The following NDE1 variants were observed in gnomAD, a reference collection of about 807,000 sequenced individuals.
The protein encoded by NDE1 is nuclear distribution protein nudE homolog 1.
In NDE1, 28 loss-of-function variants were observed where a neutral mutation model predicts 43.4. That is an observed-to-expected ratio of 0.65 (90% CI 0.48 to 0.89). The LOEUF (loss-of-function observed/expected upper bound fraction) is 0.89. Among genes scored for constraint, NDE1 ranks in the 40% least tolerant of loss-of-function variants. The probability of loss-of-function intolerance (pLI) is 0.00; values close to 1 mark genes in which losing one functional copy is unlikely to be tolerated. For missense variants in NDE1, 441 were observed against 434.1 expected (o/e 1.02, Z -0.14); for synonymous variants, 184 against 172.0 (o/e 1.07, Z -0.55).
At chr16:15,705,806 C>T (rs1266030534) in intron 8 of NDE1, among the ~76,000 whole-genome samples, 2 of 151,642 alleles carry the variant, frequency 1.3e-5, no homozygotes, top group Admixed American at 1.3e-4. Context: ...ATGGTGAAAC[C>T]GTGTCTCTAC....
In NDE1 at chr16:15,724,667, T is replaced by A. The variant is rs147127121; in HGVS notation, c.*416T>A. 2 of 1,614,172 alleles carry A rather than the reference T, an allele frequency of 1.2e-6. No homozygotes were observed. Among genetic ancestry groups the A allele is most frequent in the Admixed American group, 3.3e-5 (2 of 60,020 alleles). Reference sequence around the variant, plus strand: ...GGCACCTGGATGTTGAGAGTGGAGATGTGGCGCTCCAGGTTCTGCTTGGCC... The same window carrying A: ...GGCACCTGGATGTTGAGAGTGGAGAAGTGGCGCTCCAGGTTCTGCTTGGCC... On this transcript the variant is annotated 3_prime_UTR_variant, in exon 9 of 9. Transcript: ENST00000396354.
Position 15,717,518 on chromosome 16 carries a change from G to A in NDE1, c.948-6673G>A, listed in dbSNP as rs1596706040. On this transcript the variant is annotated intron_variant, in intron 8 of 8. Coordinates refer to ENST00000396354, the MANE Select transcript of NDE1 (RefSeq NM_017668.3). ...CCACTCAAGAGCTTCTTCCAGGCCG[G>A]GCGTGGTGGCGCACGCCTGTAATCC... The A allele has an allele frequency of 6.0e-6, 4 of 671,382 alleles. No homozygotes were observed. The East Asian group carries it at 8.2e-5, about 14-fold the overall frequency. The allele number at this position is 671,382 out of a possible 1,614,324, so 41.6% of individuals were successfully genotyped here.
At position 15,724,273 on chromosome 16, in the gene NDE1, A is replaced by G; in HGVS notation, c.*22A>G. ...CTGAAGCCTGTTCTTGGTCTTTTCCAGTTTATCATAAGCGGCCGCCTTCTC... is the reference window on the plus strand; with the variant it reads ...CTGAAGCCTGTTCTTGGTCTTTTCCGGTTTATCATAAGCGGCCGCCTTCTC... On this transcript the variant is annotated 3_prime_UTR_variant, in exon 9 of 9. Coordinates refer to ENST00000396354, the MANE Select transcript of NDE1 (RefSeq NM_017668.3). 6.2e-7 allele frequency: 1 copy of G among 1,614,174 alleles called. No individual in the cohort carries two copies. Among genetic ancestry groups the G allele is most frequent in the Non-Finnish European group, 8.5e-7 (1 of 1,180,030 alleles).
chr16:15,707,677 A>G (rs1464194975), intron 8 of NDE1, among the ~76,000 whole-genome samples: 1 of 152,210 alleles, frequency 6.6e-6, no homozygotes, highest in East Asian at 1.9e-4. Context: ...TCAGATCCAC[A>G]TGGCCTAACT....
At chr16:15,714,462 C>G (rs1241496969) in intron 8 of NDE1, 1 of 224,020 alleles carries the variant, frequency 4.5e-6, no homozygotes, top group Non-Finnish European at 9.0e-6. Flanking sequence ...CGGACAGCCC[C>G]CATACCCGAG....
chr16:15,708,710 G>A (rs1171291321), intron 8 of NDE1: 10 of 1,327,240 alleles, frequency 7.5e-6, no homozygotes, highest in Non-Finnish European at 1.1e-5. Flanking sequence ...AATGTGCAAG[G>A]GTTTAAAAAT....
chr16:15,717,356 G>A lies in NDE1; in HGVS notation c.948-6835G>A, dbSNP rs1232227737. On this transcript the variant is annotated intron_variant, in intron 8 of 8. Transcript: ENST00000396354. ...GTTGCTGAGCTGCTCGGCCTGGGGA[G>A]GAGAGTGAAGGCCATGAGGCGGACT... The A allele has an allele frequency of 6.2e-7, 1 of 1,604,256 alleles. No individual in the cohort carries two copies. The highest frequency in any genetic ancestry group is 8.5e-7 in the Non-Finnish European group (1 of 1,179,872).
intron 7 of NDE1, chr16:15,695,551 G>T: frequency 1.0e-6 from 1 of 984,108 alleles, no homozygotes; most frequent in Non-Finnish European, 1.2e-6. Context: ...TGGCCTTTCA[G>T]CTTTTATGTT....
At chr16:15,649,552 C>G (rs1407514477), upstream of NDE1, 1 of 152,264 alleles carries the variant, frequency 6.6e-6, no homozygotes, top group African/African-American at 2.4e-5. Context: ...TCTTGAACTC[C>G]TGACCTCGTG....
chr16:15,715,065 G>A (rs1445234698), intron 8 of NDE1: 2 of 1,613,250 alleles, frequency 1.2e-6, no homozygotes, highest in East Asian at 4.5e-5. Context: ...CTTGACCCTG[G>A]CATTGCCTTT....
At chr16:15,662,817 G>A (rs116442062) in intron 1 of NDE1, among the ~76,000 whole-genome samples, 2,105 of 152,190 alleles carry the variant, frequency 0.014, 54 homozygotes, top group African/African-American at 0.049. Flanking sequence ...AGGCTCAAGC[G>A]ATCTGCCTAC....
Position 15,689,810 on chromosome 16 carries a change from C to T in NDE1, c.524-1334C>T, listed in dbSNP as rs572611326. On this transcript the variant is annotated intron_variant, in intron 5 of 8. Coordinates refer to ENST00000396354, the MANE Select transcript of NDE1 (RefSeq NM_017668.3). ...CAAAAATTAGCCAGGTGTGGTGGTG[C>T]GTGCCTGTAATCCCAGCTACTTGGG... Among the ~76,000 whole-genome samples, 76 of 151,662 alleles carry T rather than the reference C, an allele frequency of 5.0e-4. 1 individual carries two copies. The highest frequency in any genetic ancestry group is 2.7e-3 in the South Asian group (13 of 4,794).
chr16:15,687,766 C>G (rs1261458405), intron 5 of NDE1, among the ~76,000 whole-genome samples: 1 of 152,222 alleles, frequency 6.6e-6, no homozygotes, highest in African/African-American at 2.4e-5. Flanking sequence ...TTGGGGTTCA[C>G]AGATGAAGTC....
intron 8 of NDE1, chr16:15,719,549 C>G (rs376093154): frequency 6.2e-7 from 1 of 1,613,062 alleles, no homozygotes; most frequent in Non-Finnish European, 8.5e-7. Context: ...CCGTGACACC[C>G]GCATCTGAGG....
At chr16:15,651,673 C>A (rs8061771) in intron 1 of NDE1, 4,276 of 152,152 alleles carry the variant, frequency 0.028, 88 homozygotes, top group South Asian at 0.068. Context: ...GATTTCCTGA[C>A]CTCGTGATCT....
At chr16:15,648,483 A>C (rs2036376093), upstream of NDE1, among the ~76,000 whole-genome samples, 1 of 152,186 alleles carries the variant, frequency 6.6e-6, no homozygotes, top group Non-Finnish European at 1.5e-5. Flanking sequence ...TCTGTCTCCC[A>C]GGCTGGAATG....
In NDE1 at chr16:15,667,560, T is replaced by C. The variant is rs993030365; in HGVS notation, c.237+121T>C. On this transcript the variant is annotated intron_variant, in intron 3 of 8. Coordinates refer to ENST00000396354, the MANE Select transcript of NDE1 (RefSeq NM_017668.3). ...TCCAGACCCCAGGCCCATGCTCATC[T>C]CTGGAAGGGCCTGTGCGGCAGACGT... The C allele has an allele frequency of 1.2e-5, 15 of 1,233,308 alleles. No individual in the cohort carries two copies. In the African/African-American group the frequency reaches 1.8e-4, roughly 15 times the overall value. The allele number at this position is 1,233,308 out of a possible 1,614,324, so 76.4% of individuals were successfully genotyped here.
chr16:15,715,260 C>G lies in NDE1; in HGVS notation c.948-8931C>G, dbSNP rs28505375. ...CTTTCTGCTTCAGCGACTTGGTGGCCGCCTGTTTCTCTCTGCAAACAGCAA... is the reference window on the plus strand; with the variant it reads ...CTTTCTGCTTCAGCGACTTGGTGGCGGCCTGTTTCTCTCTGCAAACAGCAA... On this transcript the variant is annotated intron_variant, in intron 8 of 8. Coordinates refer to ENST00000396354, the MANE Select transcript of NDE1 (RefSeq NM_017668.3). 7 of 1,613,896 alleles carry G rather than the reference C, an allele frequency of 4.3e-6. No individual in the cohort carries two copies. Among genetic ancestry groups the G allele is most frequent in the Middle Eastern group, 1.7e-4 (1 of 6,048 alleles).
rs768297365 is a variant in NDE1 at position 15,717,167 on chromosome 16, A to C, written c.948-7024A>C. 3 of 1,613,996 alleles carry C rather than the reference A, an allele frequency of 1.9e-6. No individual in the cohort carries two copies. The African/African-American group carries it at 4.0e-5, about 22-fold the overall frequency. ...GGCCTCCTGCTCGACCTGCTCCTCC[A>C]GCTGTGCAATCTTGGCCTCCAGCGC... is the stretch of plus-strand genomic sequence containing the variant. On this transcript the variant is annotated intron_variant, in intron 8 of 8. Transcript: ENST00000396354.
Sources: allele counts gnomAD v4.1 joint callset (sites outside exome capture counted in the v4.1 genomes callset), GRCh38; gene constraint gnomAD v4.1.1; transcripts MANE v1.5; gene names NCBI Gene and HGNC (gene_info 2026-07-23, HGNC 2026-07-21).